ZNF709: variants seen among roughly 807,000 people sequenced by gnomAD.
ZNF709 encodes zinc finger protein 709.
ZNF709 carries 15 observed loss-of-function variants against 10.6 expected under a neutral mutation model. The ratio of observed to expected loss-of-function variants is 1.41; its 90% CI spans 0.95 to 2.18. The LOEUF is 2.18. Ranked by LOEUF, ZNF709 falls within the 30% of genes most tolerant of loss-of-function variation. ZNF709 has a pLI of 0.00. For synonymous variants in ZNF709, 194 were observed against 238.8 expected, an observed-to-expected ratio of 0.81 and a Z score of 1.73; for missense variants, 589 against 774.0, an observed-to-expected ratio of 0.76 and a Z score of 2.84.
chr19:12,469,075 C>T (rs1257974715), intron 1 of ZNF709, among the ~76,000 whole-genome samples: 2 of 152,112 alleles, frequency 1.3e-5, no homozygotes, highest in African/African-American at 2.4e-5. Flanking sequence ...CTCCTGACCT[C>T]GTGATCCGCC....
chr19:12,477,102 T>C (rs906824233), intron 1 of ZNF709, among the ~76,000 whole-genome samples: 4 of 152,184 alleles, frequency 2.6e-5, no homozygotes, highest in African/African-American at 9.7e-5. Flanking sequence ...GTAATTTCCA[T>C]GTTGGATATT....
At chr19:12,467,114 A>G (rs1243727138) in intron 1 of ZNF709, among the ~76,000 whole-genome samples, 1 of 152,180 alleles carries the variant, frequency 6.6e-6, no homozygotes, top group Non-Finnish European at 1.5e-5. Flanking sequence ...GAGAAATGCT[A>G]TACGATACTC....
At chr19:12,468,666 C>T (rs1332054625) in intron 1 of ZNF709, among the ~76,000 whole-genome samples, 3 of 141,016 alleles carry the variant, frequency 2.1e-5, no homozygotes, top group East Asian at 2.0e-4. Context: ...TCCCCCTCTG[C>T]GAGAAACACC....
Position 12,462,456 on chromosome 19 carries a change from C to G in ZNF709, c.*1540G>C, listed in dbSNP as rs1198465436. ...GGTTATATGGTTCTATCTCAGATCT[C>G]TCTTATTAATACAAAGTCTATTATT... is the stretch of plus-strand genomic sequence containing the variant. On this transcript the variant is annotated 3_prime_UTR_variant, in exon 4 of 4. Transcript: ENST00000397732. The G allele has an allele frequency of 1.3e-5, 2 of 152,224 alleles. No individual in the cohort carries two copies. Among genetic ancestry groups the G allele is most frequent in the Non-Finnish European group, 2.9e-5 (2 of 68,056 alleles). The allele number at this position is 152,224 out of a possible 1,614,324, so 9.4% of individuals were successfully genotyped here.
At chr19:12,483,252 C>T (rs991534845) in intron 1 of ZNF709, among the ~76,000 whole-genome samples, 14 of 151,904 alleles carry the variant, frequency 9.2e-5, no homozygotes, top group East Asian at 1.9e-4. Flanking sequence ...GCAATCCTCC[C>T]GCCTCGGCCT....
In ZNF709 at chr19:12,463,849, C is replaced by T. The variant is rs920000056; in HGVS notation, c.*147G>A. ...AGCTGAGGCAGGAGAATCGCTTGAA[C>T]CCAGGAGACAGAGGTTGCAGTGAGC... On this transcript the variant is annotated 3_prime_UTR_variant, in exon 4 of 4. Coordinates refer to ENST00000397732, the MANE Select transcript of ZNF709 (RefSeq NM_152601.4). The T allele has an allele frequency of 1.7e-6, 1 of 587,228 alleles. No individual in the cohort carries two copies. The allele number at this position is 587,228 out of a possible 1,614,324, so 36.4% of individuals were successfully genotyped here.
In ZNF709 at chr19:12,478,071, G is replaced by A. The variant is rs555578831; in HGVS notation, c.3+6584C>T. ...GGGTCAGCATCCTTGCTGCAATAGAGCAACAGCAGCAACACTTAAGGGTCC... is the reference window on the plus strand; with the variant it reads ...GGGTCAGCATCCTTGCTGCAATAGAACAACAGCAGCAACACTTAAGGGTCC... On this transcript the variant is annotated intron_variant, in intron 1 of 3. Coordinates refer to ENST00000397732, the MANE Select transcript of ZNF709 (RefSeq NM_152601.4). Among the ~76,000 whole-genome samples, 37 of 152,290 alleles carry A rather than the reference G, an allele frequency of 2.4e-4. No homozygotes were observed. The South Asian group carries it at 7.7e-3, about 32-fold the overall frequency.
At chr19:12,476,763 C>T (rs966586819) in intron 1 of ZNF709, among the ~76,000 whole-genome samples, 1 of 152,176 alleles carries the variant, frequency 6.6e-6, no homozygotes, top group African/African-American at 2.4e-5. Context: ...AGGGATGGAG[C>T]GGCCCTCCTT....
chr19:12,477,108 A>G (rs1209802568), intron 1 of ZNF709, among the ~76,000 whole-genome samples: 1 of 152,128 alleles, frequency 6.6e-6, no homozygotes, highest in Non-Finnish European at 1.5e-5. Context: ...TCCATGTTGG[A>G]TATTGGTATA....
intron 1 of ZNF709, among the ~76,000 whole-genome samples, chr19:12,473,189 C>T (rs1000366507): frequency 1.8e-4 from 27 of 152,264 alleles, no homozygotes; most frequent in African/African-American, 6.0e-4. Flanking sequence ...ACAATAGGAT[C>T]AGTATTTTTC....
At chr19:12,474,724 C>A (rs929279507) in intron 1 of ZNF709, among the ~76,000 whole-genome samples, 1 of 152,118 alleles carries the variant, frequency 6.6e-6, no homozygotes, top group African/African-American at 2.4e-5. Flanking sequence ...TTAGCAGAAA[C>A]CTTGGATGTC....
At chr19:12,473,482 G>A (rs1007664143) in intron 1 of ZNF709, among the ~76,000 whole-genome samples, 2 of 152,134 alleles carry the variant, frequency 1.3e-5, no homozygotes, top group African/African-American at 2.4e-5. Flanking sequence ...AGCCAGAGGA[G>A]AACATCAATA....
intron 1 of ZNF709, among the ~76,000 whole-genome samples, chr19:12,473,300 A>G (rs1970650190): frequency 6.6e-6 from 1 of 152,252 alleles, no homozygotes; most frequent in Non-Finnish European, 1.5e-5. Flanking sequence ...TGTGAAACAC[A>G]GAGGCAAAAC....
rs368369135 is a variant in ZNF709, at chr19:12,462,051, G to A, written c.*1945C>T. 6.6e-6 allele frequency: 1 copy of A among 151,928 alleles called. No homozygotes were observed. Among genetic ancestry groups the A allele is most frequent in the African/African-American group, 2.4e-5 (1 of 41,316 alleles). The allele number at this position is 151,928 out of a possible 1,614,324, so 9.4% of individuals were successfully genotyped here. A position where few individuals can be genotyped will look rare whatever the true frequency, so the allele number is the denominator to read the frequency against. On this transcript the variant is annotated 3_prime_UTR_variant, in exon 4 of 4. Coordinates refer to ENST00000397732, the MANE Select transcript of ZNF709 (RefSeq NM_152601.4). ...CGTACCACTGCACTCCAGCCTGGGC[G>A]ACAGAGCAAGACTCCATCTCGGAAA...
intron 1 of ZNF709, among the ~76,000 whole-genome samples, chr19:12,471,161 T>A (rs1401659733): frequency 1.3e-5 from 2 of 152,142 alleles, no homozygotes; most frequent in African/African-American, 4.8e-5. Context: ...GCCCATTCCA[T>A]GTGATTACAT....
chr19:12,473,875 T>A (rs1970655351), intron 1 of ZNF709, among the ~76,000 whole-genome samples: 1 of 152,126 alleles, frequency 6.6e-6, no homozygotes, highest in South Asian at 2.1e-4. Context: ...AGATCACATC[T>A]CTAGAAAAAA....
chr19:12,467,629 G>A (rs1479932725), intron 1 of ZNF709, among the ~76,000 whole-genome samples: 1 of 151,352 alleles, frequency 6.6e-6, no homozygotes, highest in Admixed American at 6.6e-5. Flanking sequence ...GAGCCCCTCT[G>A]CCTGGCTGCC....
At position 12,484,755 on chromosome 19, in the gene ZNF709, T is replaced by TC. The variant is rs2145014614; in HGVS notation, c.-99dup. ...AGGCCCTTCCTCCACCTGAGGGCCT[T>TC]CTGGGGTGAGGAGACCCCAGAGCGG... On this transcript the variant is annotated 5_prime_UTR_variant, in exon 1 of 4. Coordinates refer to ENST00000397732, the MANE Select transcript of ZNF709 (RefSeq NM_152601.4). 2 of 1,551,072 alleles carry TC rather than the reference T, an allele frequency of 1.3e-6. No homozygotes were observed. The highest frequency in any genetic ancestry group is 2.2e-5 in the South Asian group (2 of 89,426).
At chr19:12,465,846 C>G in intron 3 of ZNF709, 113 bp from the exon 4 acceptor site, 1 of 851,206 alleles carries the variant, frequency 1.2e-6, no homozygotes, top group Middle Eastern at 3.8e-4. Context: ...ACACTTTTGC[C>G]ATTTTCAGGG....
Sources: allele counts gnomAD v4.1 joint callset (sites outside exome capture counted in the v4.1 genomes callset), GRCh38; gene constraint gnomAD v4.1.1; transcripts MANE v1.5; gene names NCBI Gene and HGNC (gene_info 2026-07-23, HGNC 2026-07-21).